The following KIAA1217 variants were observed in gnomAD, a reference collection of about 807,000 sequenced individuals.
The protein encoded by KIAA1217 is sickle tail protein homolog.
KIAA1217 carries 88 observed loss-of-function variants against 163.9 expected under a neutral mutation model. The ratio of observed to expected loss-of-function variants is 0.54; its 90% CI spans 0.45 to 0.64. KIAA1217 has a LOEUF of 0.64. Ranked by LOEUF, KIAA1217 falls within the 30% of genes least tolerant of loss-of-function variation. The pLI, the probability that KIAA1217 is intolerant of heterozygous loss-of-function variation, is 0.00. For missense variants in KIAA1217, 2,372 were observed against 2,475.0 expected (o/e 0.96, Z 0.88); for synonymous variants, 903 against 923.1 (o/e 0.98, Z 0.39).
chr10:23,742,506 C>G (rs1839175880), intron 1 of KIAA1217, among the ~76,000 whole-genome samples: 1 of 152,150 alleles, frequency 6.6e-6, no homozygotes. Context: ...GCTTGGGGAG[C>G]TTCCAATCAT....
intron 2 of KIAA1217, among the ~76,000 whole-genome samples, chr10:24,352,116 C>A (rs1163501435): frequency 1.3e-5 from 2 of 152,230 alleles, no homozygotes; most frequent in African/African-American, 4.8e-5. Context: ...CCAAGTGAAG[C>A]CTGCCTTTCC....
At chr10:24,297,087 C>T (rs746873921) in intron 2 of KIAA1217, among the ~76,000 whole-genome samples, 23 of 152,140 alleles carry the variant, frequency 1.5e-4, no homozygotes, top group Non-Finnish European at 2.9e-4. Context: ...AGGAATAAAA[C>T]AAGAATGGGG....
At chr10:23,865,070 A>G (rs187476994) in intron 1 of KIAA1217, among the ~76,000 whole-genome samples, 204 of 152,324 alleles carry the variant, frequency 1.3e-3, no homozygotes, top group African/African-American at 4.9e-3. Flanking sequence ...TCTGGAAACC[A>G]CAGGCTATAA....
Position 24,546,095 on chromosome 10 carries a change from C to A in KIAA1217, c.5603C>A (p.Thr1868Asn). 1 of 1,614,196 alleles carries A rather than the reference C, an allele frequency of 6.2e-7. No individual in the cohort carries two copies. The highest frequency in any genetic ancestry group is 8.5e-7 in the Non-Finnish European group (1 of 1,180,042). ...SNGSLKFQSL[T>N]HTGKGHHLSF... ...GGCTCTTTGAAGTTTCAGAGCCTCA[C>A]TCATACAGGTAAAGGTCACCATCTT... The change falls in exon 21 of 21, where the codon ACT (threonine) becomes AAT (asparagine). Residue 1868 changes from threonine to asparagine, a missense_variant. By Grantham distance (65) the Thr-to-Asn change is moderately conservative. This residue lies in a region of KIAA1217 where 690 missense variants were observed against 677.5 expected (regional missense o/e 1.02). Transcript: ENST00000376454.
chr10:23,958,674 A>G (rs534467968), intron 1 of KIAA1217, among the ~76,000 whole-genome samples: 3 of 152,220 alleles, frequency 2.0e-5, no homozygotes, highest in East Asian at 1.9e-4. Context: ...AGAGAGAGAG[A>G]GAGTGAGAGA....
intron 1 of KIAA1217, among the ~76,000 whole-genome samples, chr10:23,999,415 C>T (rs1443835653): frequency 2.6e-5 from 4 of 152,112 alleles, no homozygotes; most frequent in Non-Finnish European, 5.9e-5. Flanking sequence ...GCCAGGGAAC[C>T]ACCACTGCCA....
intron 1 of KIAA1217, among the ~76,000 whole-genome samples, chr10:23,959,397 C>A (rs1844720051): frequency 6.6e-6 from 1 of 152,120 alleles, no homozygotes; most frequent in Non-Finnish European, 1.5e-5. Context: ...GTGGTGCATA[C>A]CCTTAGTCCC....
At chr10:24,230,511 T>TG (rs1554765220) in intron 2 of KIAA1217, among the ~76,000 whole-genome samples, 3 of 141,078 alleles carry the variant, frequency 2.1e-5, no homozygotes, top group African/African-American at 5.3e-5. Context: ...TGTTTTTTTT[T>TG]TTTTTTTTTT....
At chr10:23,813,997 A>G (rs1387772326) in intron 1 of KIAA1217, among the ~76,000 whole-genome samples, 1 of 152,198 alleles carries the variant, frequency 6.6e-6, no homozygotes, top group Admixed American at 6.5e-5. Flanking sequence ...GGAAGTCATA[A>G]GTTCTGACAA....
At chr10:23,798,096 G>A (rs1025529012) in intron 1 of KIAA1217, among the ~76,000 whole-genome samples, 1 of 152,182 alleles carries the variant, frequency 6.6e-6, no homozygotes. Context: ...TCTCTGGAGT[G>A]TGATGTGCAA....
At chr10:24,108,532 C>G (rs1488127750) in intron 2 of KIAA1217, among the ~76,000 whole-genome samples, 2 of 152,062 alleles carry the variant, frequency 1.3e-5, no homozygotes, top group South Asian at 2.1e-4. Context: ...GAAAAGAAAC[C>G]TTGAAGTCAA....
At position 24,219,617 on chromosome 10, in the gene KIAA1217, G is replaced by A; in HGVS notation, c.71-9G>A. On this transcript the variant is annotated splice_polypyrimidine_tract_variant and intron_variant, in intron 1 of 20. Coordinates refer to ENST00000376454, the MANE Select transcript of KIAA1217 (RefSeq NM_019590.5). ...CATTAATTGTGAACCGAATTTTTTT[G>A]TCTTTCAGAACAAGGCAAAGGCAAT... The A allele has an allele frequency of 6.4e-7, 1 of 1,559,152 alleles. No homozygotes were observed. Among genetic ancestry groups the A allele is most frequent in the South Asian group, 1.2e-5 (1 of 82,238 alleles).
In KIAA1217 at chr10:23,836,937, G is replaced by A. The variant is rs572523312; in HGVS notation, c.-321+141703G>A. Among the ~76,000 whole-genome samples the A allele has an allele frequency of 3.9e-3, 526 of 135,344 alleles. 9 individuals are homozygous for A. The highest frequency in any genetic ancestry group is 0.017 in the African/African-American group (492 of 28,310). 88.8% of individuals were successfully genotyped at this position (135,344 alleles called of 152,430 possible). A position where few individuals can be genotyped will look rare whatever the true frequency, so the allele number is the denominator to read the frequency against. On this transcript the variant is annotated intron_variant, in intron 1 of 18. Transcript: ENST00000376462. ...GACCCTGTGGGAAGGAAGGAAGGGA[G>A]GGAGGGAGGGAGGGAGGGAATGAAT...
At chr10:24,282,623 G>T (rs117115772) in intron 2 of KIAA1217, among the ~76,000 whole-genome samples, 87 of 152,148 alleles carry the variant, frequency 5.7e-4, no homozygotes, top group Non-Finnish European at 1.1e-3. Context: ...TGACCCCTGT[G>T]TTCCTTTGAT....
At chr10:23,840,670 C>T (rs1383259398) in intron 1 of KIAA1217, among the ~76,000 whole-genome samples, 1 of 152,128 alleles carries the variant, frequency 6.6e-6, no homozygotes, top group Non-Finnish European at 1.5e-5. Context: ...TGAAGGCTTT[C>T]CCCTACTTAT....
At chr10:24,012,095 C>T (rs778550609) in intron 2 of KIAA1217, among the ~76,000 whole-genome samples, 3 of 152,134 alleles carry the variant, frequency 2.0e-5, no homozygotes, top group East Asian at 1.9e-4. Flanking sequence ...TTCCATTTTA[C>T]GATCTAAAGC....
At chr10:23,850,437 T>C (rs1319359392) in intron 1 of KIAA1217, among the ~76,000 whole-genome samples, 1 of 152,110 alleles carries the variant, frequency 6.6e-6, no homozygotes, top group East Asian at 1.9e-4. Flanking sequence ...ATTTCCACTG[T>C]AGGGAAAAAA....
At chr10:23,928,943 A>G (rs1271309394) in intron 1 of KIAA1217, among the ~76,000 whole-genome samples, 1 of 152,164 alleles carries the variant, frequency 6.6e-6, no homozygotes, top group Non-Finnish European at 1.5e-5. Context: ...TCTGAATGAC[A>G]AGTCAACTAT....
chr10:24,343,831 C>T (rs186598444), intron 2 of KIAA1217, among the ~76,000 whole-genome samples: 109 of 152,292 alleles, frequency 7.2e-4, no homozygotes, highest in Non-Finnish European at 1.1e-3. Flanking sequence ...ACCACTACCA[C>T]GAACTGAATA....
Sources: gnomAD v4.1 joint callset for allele counts (sites outside exome capture counted in the v4.1 genomes callset) on GRCh38, gnomAD v4.1.1 for gene constraint, gnomAD v4.1.1 regional missense constraint, MANE v1.5 for transcripts, NCBI Gene and HGNC (gene_info 2026-07-23, HGNC 2026-07-21) for gene names.